Variants in FAF1 observed in about 807,000 individuals in gnomAD.
FAF1 encodes FAS-associated factor 1.
A neutral mutation model predicts 92.5 loss-of-function variants in FAF1; 25 were observed. The observed-to-expected ratio is 0.27, with a 90% CI of 0.20 to 0.38. The LOEUF is 0.38. Among genes scored for constraint, FAF1 ranks in the 10% least tolerant of loss-of-function variants. FAF1 has a pLI of 1.00. For synonymous variants in FAF1, 234 were observed against 273.2 expected, an observed-to-expected ratio of 0.86 and a Z score of 1.42; for missense variants, 636 against 793.3, an observed-to-expected ratio of 0.80 and a Z score of 2.38.
At chr1:50,513,964 C>T (rs1221789373) in intron 15 of FAF1, among the ~76,000 whole-genome samples, 4 of 152,162 alleles carry the variant, frequency 2.6e-5, no homozygotes, top group Non-Finnish European at 5.9e-5. Flanking sequence ...TTCTTCCTTC[C>T]AAACAGTGCA....
At chr1:50,453,221 T>C (rs976917224) in intron 18 of FAF1, among the ~76,000 whole-genome samples, 1 of 152,232 alleles carries the variant, frequency 6.6e-6, no homozygotes, top group African/African-American at 2.4e-5. Flanking sequence ...CTTTTCTCCT[T>C]GGCTTCAGAG....
At chr1:50,684,535 A>C (rs535959699) in intron 7 of FAF1, among the ~76,000 whole-genome samples, 9 of 152,284 alleles carry the variant, frequency 5.9e-5, no homozygotes, top group African/African-American at 2.2e-4. Flanking sequence ...ACAGACATAC[A>C]ACCAATGATA....
intron 8 of FAF1, among the ~76,000 whole-genome samples, chr1:50,609,810 A>C (rs369572337): frequency 1.5e-4 from 23 of 152,214 alleles, no homozygotes; most frequent in African/African-American, 4.8e-4. Flanking sequence ...AAAAAAAGTT[A>C]AGTCATTAGA....
chr1:50,499,336 C>T (rs1355817944), intron 15 of FAF1, among the ~76,000 whole-genome samples: 1 of 150,760 alleles, frequency 6.6e-6, no homozygotes, highest in Non-Finnish European at 1.5e-5. Flanking sequence ...TTGATCTTTC[C>T]CCAGTAGGTA....
chr1:50,533,391 T>G (rs1296251162), intron 15 of FAF1, among the ~76,000 whole-genome samples: 2 of 152,170 alleles, frequency 1.3e-5, no homozygotes, highest in Admixed American at 1.3e-4. Context: ...TTTATATCAT[T>G]GTAACCAAAT....
chr1:50,956,987 T>A (rs1252485589), intron 1 of FAF1, among the ~76,000 whole-genome samples: 1 of 152,174 alleles, frequency 6.6e-6, no homozygotes, highest in Non-Finnish European at 1.5e-5. Flanking sequence ...TTACCTGGTT[T>A]TCTTATAACT....
At chr1:50,806,809 C>A (rs906767864) in intron 2 of FAF1, among the ~76,000 whole-genome samples, 2 of 152,182 alleles carry the variant, frequency 1.3e-5, no homozygotes, top group African/African-American at 4.8e-5. Context: ...AGTGACTTCA[C>A]TGAACTCACC....
chr1:50,507,280 T>C (rs1647071017), intron 15 of FAF1, among the ~76,000 whole-genome samples: 1 of 152,198 alleles, frequency 6.6e-6, no homozygotes, highest in Non-Finnish European at 1.5e-5. Flanking sequence ...AAAAGTAAAG[T>C]AACTCAGATA....
intron 15 of FAF1, among the ~76,000 whole-genome samples, chr1:50,526,315 G>A (rs1372940744): frequency 6.6e-6 from 1 of 151,724 alleles, no homozygotes; most frequent in Non-Finnish European, 1.5e-5. Context: ...TTATTTCTAG[G>A]CTGGGCATGG....
chr1:50,647,907 T>C (rs1654666186), intron 8 of FAF1, among the ~76,000 whole-genome samples: 1 of 151,908 alleles, frequency 6.6e-6, no homozygotes, highest in Admixed American at 6.6e-5. Context: ...TATAAATGCA[T>C]TTCTAAGAGG....
At chr1:50,547,232 A>C (rs1649067408) in intron 13 of FAF1, among the ~76,000 whole-genome samples, 1 of 151,908 alleles carries the variant, frequency 6.6e-6, no homozygotes, top group Admixed American at 6.6e-5. Flanking sequence ...ATGCCTCACG[A>C]TGCAAATGCA....
At chr1:50,622,000 T>C (rs146053689) in intron 8 of FAF1, among the ~76,000 whole-genome samples, 1,684 of 151,890 alleles carry the variant, frequency 0.011, 34 homozygotes, top group African/African-American at 0.039. Flanking sequence ...ACCCAGTCTC[T>C]ACTAAAAATA....
intron 15 of FAF1, among the ~76,000 whole-genome samples, chr1:50,492,681 T>C (rs1646853581): frequency 6.6e-6 from 1 of 152,170 alleles, no homozygotes; most frequent in African/African-American, 2.4e-5. Flanking sequence ...CCACCAATAT[T>C]TGTGACCTAT....
At chr1:50,675,441 C>T (rs1457047784) in intron 7 of FAF1, among the ~76,000 whole-genome samples, 2 of 152,148 alleles carry the variant, frequency 1.3e-5, no homozygotes, top group Non-Finnish European at 2.9e-5. Context: ...ATGTTAGGGA[C>T]GATGGCAAAT....
Position 50,801,623 on chromosome 1 carries a change from T to A in FAF1, c.161+8A>T. 1.3e-6 allele frequency: 2 copies of A among 1,517,232 alleles called. No homozygotes were observed. The highest frequency in any genetic ancestry group is 1.8e-6 in the Non-Finnish European group (2 of 1,092,164). 94.0% of individuals were successfully genotyped at this position (1,517,232 alleles called of 1,614,324 possible). A position where few individuals can be genotyped will look rare whatever the true frequency, so the allele number is the denominator to read the frequency against. ...GTCATCTTAACTGGTAAGCACTTTA[T>A]AACATACCTTTGTAGAATGCCATTT... On this transcript the variant is annotated splice_region_variant and intron_variant, in intron 3 of 18. Coordinates refer to ENST00000396153, the MANE Select transcript of FAF1 (RefSeq NM_007051.3).
chr1:50,616,395 G>A (rs929345665), intron 8 of FAF1, among the ~76,000 whole-genome samples: 14 of 152,170 alleles, frequency 9.2e-5, no homozygotes, highest in South Asian at 2.1e-4. Context: ...TAGTTTGATC[G>A]GAATAACACA....
intron 8 of FAF1, among the ~76,000 whole-genome samples, chr1:50,623,610 A>C (rs1653317139): frequency 6.6e-6 from 1 of 151,502 alleles, no homozygotes; most frequent in Non-Finnish European, 1.5e-5. Flanking sequence ...AAGAAAAAGA[A>C]ATTTTGGCTC....
At chr1:50,867,944 A>G (rs926160526) in intron 1 of FAF1, among the ~76,000 whole-genome samples, 8 of 152,166 alleles carry the variant, frequency 5.3e-5, no homozygotes, top group African/African-American at 1.4e-4. Context: ...CCATCAATCA[A>G]TGAGTGAATA....
rs368530740 is a variant in FAF1, at chr1:50,626,345, G to C, written c.744+29097C>G. Reference sequence around the variant, plus strand: ...GACATATGCCCTTGTGGAACATATGGTATAAAATAGGAAATAATCCCTAAA... The same window carrying C: ...GACATATGCCCTTGTGGAACATATGCTATAAAATAGGAAATAATCCCTAAA... On this transcript the variant is annotated intron_variant, in intron 8 of 18. Coordinates refer to ENST00000396153, the MANE Select transcript of FAF1 (RefSeq NM_007051.3). Among the ~76,000 whole-genome samples, 27 of 152,116 alleles carry C rather than the reference G, an allele frequency of 1.8e-4. No homozygotes were observed. The East Asian group carries it at 2.9e-3, about 16-fold the overall frequency.
Sources: allele counts gnomAD v4.1 joint callset (sites outside exome capture counted in the v4.1 genomes callset), GRCh38; gene constraint gnomAD v4.1.1; transcripts MANE v1.5; gene names NCBI Gene and HGNC (gene_info 2026-07-23, HGNC 2026-07-21).